PPIH: variants seen among roughly 807,000 people sequenced by gnomAD.
PPIH encodes peptidylprolyl isomerase H.
A neutral mutation model predicts 27.6 loss-of-function variants in PPIH; 16 were observed. The observed-to-expected ratio is 0.58, with a 90% confidence interval of 0.39 to 0.88. The LOEUF is 0.88. PPIH is among the 40% of genes least tolerant of loss of function. The pLI, the probability that PPIH is intolerant of heterozygous loss-of-function variation, is 0.00. For missense variants in PPIH, 155 were observed against 224.1 expected, an observed-to-expected ratio of 0.69 and a Z score of 1.97; for synonymous variants, 63 against 76.1, an observed-to-expected ratio of 0.83 and a Z score of 0.90.
At chr1:42,662,757 AC>A (rs1270657135) in intron 5 of PPIH, among the ~76,000 whole-genome samples, 1 of 152,162 alleles carries the variant, frequency 6.6e-6, no homozygotes, top group East Asian at 1.9e-4. Flanking sequence ...CAAATGAATT[AC>A]CCTCATTCTC....
intron 9 of PPIH, among the ~76,000 whole-genome samples, chr1:42,669,306 C>T (rs1003939064): frequency 1.3e-5 from 2 of 152,062 alleles, no homozygotes; most frequent in Non-Finnish European, 2.9e-5. Context: ...ACTAACATGA[C>T]ATTAGAAGTG....
intron 5 of PPIH, among the ~76,000 whole-genome samples, chr1:42,662,956 A>G (rs1649124242): frequency 6.6e-6 from 1 of 152,184 alleles, no homozygotes; most frequent in Non-Finnish European, 1.5e-5. Context: ...ATAGCCACCT[A>G]ATATTTCATT....
downstream of PPIH, among the ~76,000 whole-genome samples, chr1:42,680,684 G>A (rs1214912805): frequency 6.6e-6 from 1 of 151,856 alleles, no homozygotes; most frequent in Non-Finnish European, 1.5e-5. Context: ...CTCTATGCTA[G>A]GGGTCAGCCG....
chr1:42,658,766 C>T (rs1043804473), intron 1 of PPIH, 78 bp from the exon 2 acceptor site: 8 of 1,498,048 alleles, frequency 5.3e-6, no homozygotes, highest in Non-Finnish European at 7.4e-6. Context: ...GGTGGTGGGT[C>T]AGCCCATCAT....
chr1:42,670,488 G>T (rs1649569343), intron 9 of PPIH, among the ~76,000 whole-genome samples: 1 of 152,028 alleles, frequency 6.6e-6, no homozygotes, highest in Non-Finnish European at 1.5e-5. Context: ...CCTTGTTGAG[G>T]TTTTATTTCT....
rs1183014357 is a variant in PPIH, at chr1:42,659,539, T to C, written c.173T>C (p.Ile58Thr). The change falls in exon 4 of 10, where the codon ATA becomes ACA. Residue 58 changes from isoleucine (I) to threonine (T), a missense_variant. Physicochemically the swap from Ile to Thr is moderately conservative, Grantham distance 89. Coordinates refer to ENST00000304979, the MANE Select transcript of PPIH (RefSeq NM_006347.4). ...GGTTATAGGAAAGATGGGGTTCCAA[T>C]AGGATACAAAGGAAGCACCTTCCAC... is the stretch of plus-strand genomic sequence containing the variant. ...TGEFRKDGVPIGYKGSTFHRV... is the reference protein window; with the variant it reads ...TGEFRKDGVPTGYKGSTFHRV... The C allele has an allele frequency of 4.3e-6, 7 of 1,614,120 alleles. No individual in the cohort carries two copies. Among genetic ancestry groups the C allele is most frequent in the East Asian group, 2.2e-5 (1 of 44,890 alleles).
intron 2 of PPIH, 88 bp from the exon 3 acceptor site, chr1:42,659,140 G>C (rs758404042): frequency 8.8e-5 from 138 of 1,573,812 alleles, no homozygotes; most frequent in Non-Finnish European, 1.1e-4. Context: ...GGACTTGCTG[G>C]CTCCAGTGTT....
Position 42,667,460 on chromosome 1 carries a change from A to C in PPIH, c.*21+20A>C, listed in dbSNP as rs1649403981. The stretch of plus-strand genomic sequence containing the variant: ...AATCAGGTAAGTGTGTCTTTCTCCT[A>C]TTAGGTTAGGAATCAGACCTCAGAG... On this transcript the variant is annotated intron_variant, in intron 9 of 9. Coordinates refer to ENST00000304979, the MANE Select transcript of PPIH (RefSeq NM_006347.4). 2 of 1,536,076 alleles carry C rather than the reference A, an allele frequency of 1.3e-6. No homozygotes were observed. Among genetic ancestry groups the C allele is most frequent in the Admixed American group, 1.7e-5 (1 of 59,400 alleles).
intron 6 of PPIH, among the ~76,000 whole-genome samples, chr1:42,665,522 A>G (rs1190283737): frequency 6.6e-6 from 1 of 152,046 alleles, no homozygotes; most frequent in Non-Finnish European, 1.5e-5. Flanking sequence ...CCTACTGCTC[A>G]GAATGTAAAC....
At chr1:42,681,026 C>G (rs1650004626), downstream of PPIH, among the ~76,000 whole-genome samples, 1 of 152,190 alleles carries the variant, frequency 6.6e-6, no homozygotes, top group Non-Finnish European at 1.5e-5. Flanking sequence ...ACTCACAGGC[C>G]TAGACGGCAT....
At chr1:42,675,120 C>T (rs1649819946) in intron 9 of PPIH, among the ~76,000 whole-genome samples, 1 of 152,244 alleles carries the variant, frequency 6.6e-6, no homozygotes, top group Non-Finnish European at 1.5e-5. Context: ...TCAGGAATCT[C>T]TGCAGTGATA....
chr1:42,670,080 G>A (rs1043693055), intron 9 of PPIH, among the ~76,000 whole-genome samples: 7 of 152,242 alleles, frequency 4.6e-5, no homozygotes, highest in African/African-American at 1.7e-4. Flanking sequence ...TAGAGAGGGA[G>A]AATGTCAGGC....
In PPIH at chr1:42,659,186, GAC is replaced by G. The variant is rs1648855338; in HGVS notation, c.132-40_132-39del. 1.9e-6 allele frequency: 3 copies of G among 1,613,250 alleles called. No individual in the cohort carries two copies. In the African/African-American group the frequency reaches 4.0e-5, roughly 22 times the overall value. On this transcript the variant is annotated intron_variant, in intron 2 of 9. Transcript: ENST00000304979. ...CGTATTTAGAGGCGCTCACGACTGT[GAC>G]ATCATAGTGATTGAATCATTCATTT...
rs1482255625 is a variant in PPIH at position 42,660,899 on chromosome 1, GT to G, written c.240del (p.Asn81MetfsTer69). On this transcript the variant is annotated frameshift_variant, in exon 5 of 10. Transcript: ENST00000304979. LOFTEE classifies it high-confidence loss of function. ...KDFMIQGGDF[V>X]NGDGTGVASI... ...TTTCATGATTCAGGGTGGAGATTTT[GT>G]TAATGTAAGTACTATTCCTTTCCTA... 3 of 1,609,518 alleles carry G rather than the reference GT, an allele frequency of 1.9e-6. No individual in the cohort carries two copies. The Admixed American group carries it at 5.0e-5, about 27-fold the overall frequency.
intron 1 of PPIH, 58 bp downstream of exon 1, chr1:42,658,570 A>T: frequency 6.5e-7 from 1 of 1,549,884 alleles, no homozygotes; most frequent in Non-Finnish European, 8.9e-7. Flanking sequence ...GGGGCTAGGC[A>T]GGCAGAACTC....
intron 5 of PPIH, among the ~76,000 whole-genome samples, chr1:42,662,732 A>T (rs1186735630): frequency 6.6e-6 from 1 of 152,234 alleles, no homozygotes; most frequent in Non-Finnish European, 1.5e-5. Flanking sequence ...AAGTGCAAAG[A>T]AGAAAATAAA....
chr1:42,665,666 G>C (rs1000178335), intron 6 of PPIH, among the ~76,000 whole-genome samples: 1 of 151,570 alleles, frequency 6.6e-6, no homozygotes, highest in Non-Finnish European at 1.5e-5. Context: ...GCAACATAGT[G>C]AGACTTAGTC....
downstream of PPIH, among the ~76,000 whole-genome samples, chr1:42,680,749 AT>A (rs1649996578): frequency 6.6e-6 from 1 of 152,224 alleles, no homozygotes; most frequent in African/African-American, 2.4e-5. Flanking sequence ...GGTTTTTAAA[AT>A]GTTTAAATAG....
chr1:42,659,558 C>T lies in PPIH; in HGVS notation c.192C>T (p.Thr64=). The part of the protein sequence containing the change: ...DGVPIGYKGS[T]FHRVIKDFMI... ...TTCCAATAGGATACAAAGGAAGCAC[C>T]TTCCACAGGTAAGGCTCTTGGCAAG... Residue 64 remains threonine (T), a synonymous_variant, in exon 4 of 10, where the codon ACC becomes ACT. Transcript: ENST00000304979. The T allele has an allele frequency of 6.2e-7, 1 of 1,613,750 alleles. No homozygotes were observed. Among genetic ancestry groups the T allele is most frequent in the Non-Finnish European group, 8.5e-7 (1 of 1,179,996 alleles).
Sources: gnomAD v4.1 joint callset for allele counts (sites outside exome capture counted in the v4.1 genomes callset) on GRCh38, gnomAD v4.1.1 for gene constraint, MANE v1.5 for transcripts, NCBI Gene and HGNC (gene_info 2026-07-23, HGNC 2026-07-21) for gene names.